CNTN5: variants seen among roughly 807,000 people sequenced by gnomAD.
CNTN5 encodes the protein contactin 5.
Under a neutral mutation model 129.1 loss-of-function variants are expected in CNTN5, and 77 were observed. The ratio of observed to expected loss-of-function variants is 0.60; its 90% CI spans 0.50 to 0.72. The LOEUF (loss-of-function observed/expected upper bound fraction) is 0.72, where lower values mean the gene tolerates loss of function less well. Ranked by LOEUF, CNTN5 falls within the 30% of genes least tolerant of loss-of-function variation. The pLI, the probability that CNTN5 is intolerant of heterozygous loss-of-function variation, is 0.00. For missense variants in CNTN5, 1,478 were observed against 1,328.8 expected (o/e 1.11, Z -1.75); for synonymous variants, 509 against 465.6 (o/e 1.09, Z -1.20).
intron 3 of CNTN5, among the ~76,000 whole-genome samples, chr11:99,570,325 G>A (rs1421742165): frequency 6.6e-6 from 1 of 152,080 alleles, no homozygotes; most frequent in African/African-American, 2.4e-5. Flanking sequence ...GAATAGCCCT[G>A]AAGGAATTGA....
At chr11:99,737,076 C>CT (rs954460840) in intron 3 of CNTN5, among the ~76,000 whole-genome samples, 13 of 152,032 alleles carry the variant, frequency 8.6e-5, no homozygotes, top group African/African-American at 1.9e-4. Flanking sequence ...GTTTTGCCCT[C>CT]TTTTTTTACT....
chr11:99,750,739 A>G (rs1454705300), intron 3 of CNTN5, among the ~76,000 whole-genome samples: 2 of 152,228 alleles, frequency 1.3e-5, no homozygotes, highest in African/African-American at 4.8e-5. Flanking sequence ...ATTTATACTT[A>G]TCACACGAAC....
At chr11:99,293,297 T>A (rs185206818) in intron 1 of CNTN5, among the ~76,000 whole-genome samples, 1 of 152,288 alleles carries the variant, frequency 6.6e-6, no homozygotes, top group Non-Finnish European at 1.5e-5. Context: ...TCATGGTGAA[T>A]GATCTTTTTA....
At chr11:99,076,370 A>C (rs2135266531) in intron 1 of CNTN5, among the ~76,000 whole-genome samples, 1 of 152,200 alleles carries the variant, frequency 6.6e-6, no homozygotes, top group Non-Finnish European at 1.5e-5. Context: ...AAAGTACTTT[A>C]CTTTTGAGGA....
intron 2 of CNTN5, among the ~76,000 whole-genome samples, chr11:99,555,123 A>G (rs1948622197): frequency 6.6e-6 from 1 of 152,036 alleles, no homozygotes. Flanking sequence ...TTTCTTTGAC[A>G]TAACTATATT....
At chr11:100,086,300 TATAA>T (rs1402630295) in intron 13 of CNTN5, among the ~76,000 whole-genome samples, 1 of 150,604 alleles carries the variant, frequency 6.6e-6, no homozygotes, top group Non-Finnish European at 1.5e-5. Context: ...ATATAAAATA[TATAA>T]ATAAATATTA....
chr11:99,689,334 T>C (rs633871), intron 3 of CNTN5, among the ~76,000 whole-genome samples: 41,888 of 151,724 alleles, frequency 0.28, 6,412 homozygotes, highest in Middle Eastern at 0.43. Context: ...GAGACCATCC[T>C]GGCTAACACA....
chr11:99,843,881 A>C (rs998181766), intron 4 of CNTN5, among the ~76,000 whole-genome samples: 9 of 152,152 alleles, frequency 5.9e-5, no homozygotes, highest in African/African-American at 2.2e-4. Flanking sequence ...CTTTTTCACA[A>C]ATTCACAATT....
chr11:99,688,737 C>G (rs1245763582), intron 3 of CNTN5, among the ~76,000 whole-genome samples: 1 of 152,110 alleles, frequency 6.6e-6, no homozygotes, highest in East Asian at 1.9e-4. Flanking sequence ...ATTAGCTATT[C>G]TTCTTGATGC....
chr11:99,887,221 G>T (rs918717680), intron 6 of CNTN5, among the ~76,000 whole-genome samples: 5 of 152,124 alleles, frequency 3.3e-5, no homozygotes, highest in Non-Finnish European at 5.9e-5. Flanking sequence ...TAACATAACT[G>T]CCAAGATTTC....
Position 99,293,384 on chromosome 11 carries a change from A to T in CNTN5, c.-209-31962A>T, listed in dbSNP as rs527557311. ...ATCTTCGTCAGGGATATTGGCCTGC[A>T]GTTTTCTTTTTTTGTTGTGCCTTTG... On this transcript the variant is annotated intron_variant, in intron 1 of 24. Transcript: ENST00000524871. Among the ~76,000 whole-genome samples the T allele has an allele frequency of 1.6e-4, 24 of 152,138 alleles. 1 individual carries two copies. The South Asian group carries it at 5.0e-3, about 32-fold the overall frequency.
chr11:100,169,841 T>C lies in CNTN5; in HGVS notation c.1581-21285T>C, dbSNP rs1947770660. 2.6e-5 allele frequency among the ~76,000 whole-genome samples: 4 copies of C among 152,138 alleles called. No homozygotes were observed. The South Asian group carries it at 8.3e-4, about 32-fold the overall frequency. On this transcript the variant is annotated intron_variant, in intron 13 of 24. Transcript: ENST00000524871. The stretch of plus-strand genomic sequence containing the variant: ...ATTAATACAAATGTCTATGCTCATA[T>C]CTTCATTGACTATGCTCATTCACAC...
At chr11:100,240,242 C>A (rs925761332) in intron 16 of CNTN5, among the ~76,000 whole-genome samples, 5 of 151,944 alleles carry the variant, frequency 3.3e-5, no homozygotes, top group Non-Finnish European at 7.4e-5. Flanking sequence ...CCCCCCGACC[C>A]CCGCCAGGGA....
At chr11:99,846,440 TATA>T in intron 6 of CNTN5, among the ~76,000 whole-genome samples, 1 of 151,808 alleles carries the variant, frequency 6.6e-6, no homozygotes, top group Middle Eastern at 3.4e-3. Flanking sequence ...TTATTTTACT[TATA>T]ATGAGAGCTT....
At chr11:99,342,013 G>C (rs1866534348) in intron 2 of CNTN5, among the ~76,000 whole-genome samples, 1 of 152,228 alleles carries the variant, frequency 6.6e-6, no homozygotes, top group East Asian at 1.9e-4. Context: ...CTTGATTCAA[G>C]AGCATCTTGG....
intron 6 of CNTN5, among the ~76,000 whole-genome samples, chr11:99,847,012 T>G (rs1241009422): frequency 1.3e-5 from 2 of 152,220 alleles, no homozygotes; most frequent in Admixed American, 1.3e-4. Flanking sequence ...ACTAAATAAA[T>G]AACCCTCATA....
intron 6 of CNTN5, among the ~76,000 whole-genome samples, chr11:99,899,162 C>T (rs1375925893): frequency 1.3e-5 from 2 of 152,028 alleles, no homozygotes; most frequent in Admixed American, 6.6e-5. Flanking sequence ...ACAATCATAT[C>T]TTCAGTGAAC....
intron 10 of CNTN5, among the ~76,000 whole-genome samples, chr11:100,066,912 A>C (rs1943719081): frequency 6.6e-6 from 1 of 151,596 alleles, no homozygotes; most frequent in African/African-American, 2.4e-5. Flanking sequence ...TGTTTTTGTA[A>C]GAATCTTGCA....
At chr11:99,651,355 AG>A (rs559403743) in intron 3 of CNTN5, among the ~76,000 whole-genome samples, 1 of 151,896 alleles carries the variant, frequency 6.6e-6, no homozygotes, top group Non-Finnish European at 1.5e-5. Context: ...TAAGCAGATG[AG>A]AAAAGGTTAA....
Sources: gnomAD v4.1 joint callset for allele counts (sites outside exome capture counted in the v4.1 genomes callset) on GRCh38, gnomAD v4.1.1 for gene constraint, MANE v1.5 for transcripts, NCBI Gene and HGNC (gene_info 2026-07-23, HGNC 2026-07-21) for gene names.